The following KCNK12 variants were observed in gnomAD, a reference collection of about 807,000 sequenced individuals.
KCNK12 encodes the protein potassium two pore domain channel subfamily K member 12.
Under a neutral mutation model 25.3 loss-of-function variants are expected in KCNK12, and 6 were observed. The observed-to-expected ratio is 0.24, with a 90% CI of 0.13 to 0.47. The LOEUF (loss-of-function observed/expected upper bound fraction) is 0.47, where lower values mean the gene tolerates loss of function less well. Ranked by LOEUF, KCNK12 falls within the 20% of genes least tolerant of loss-of-function variation. The pLI, the probability that KCNK12 is intolerant of heterozygous loss-of-function variation, is 0.99. For synonymous variants in KCNK12, 331 were observed against 311.1 expected (o/e 1.06, Z -0.67); for missense variants, 444 against 661.7 (o/e 0.67, Z 3.61).
rs1669346579 is a variant in KCNK12 at position 47,547,930 on chromosome 2, G to C, written c.391+22011C>G. Among the ~76,000 whole-genome samples, 1 of 152,180 alleles carries C rather than the reference G, an allele frequency of 6.6e-6. No individual in the cohort carries two copies. Among genetic ancestry groups the C allele is most frequent in the Non-Finnish European group, 1.5e-5 (1 of 68,028 alleles). On this transcript the variant is annotated intron_variant, in intron 1 of 1. Coordinates refer to ENST00000327876, the MANE Select transcript of KCNK12 (RefSeq NM_022055.2). The surrounding 1 kb of genome is among the most constrained non-coding windows in gnomAD (Gnocchi z 5.0). Reference sequence around the variant, plus strand: ...TGTTGAATTATAATCCCCAATGTTGGAGGAGGGGCGTGGTGGGAAGTGATT... The same window carrying C: ...TGTTGAATTATAATCCCCAATGTTGCAGGAGGGGCGTGGTGGGAAGTGATT...
intron 1 of KCNK12, chr2:47,564,141 T>G (rs1269851772): frequency 1.3e-5 from 3 of 231,770 alleles, no homozygotes; most frequent in African/African-American, 6.6e-5. Context: ...CTCCTGGAAC[T>G]GAGTGCAGTC....
chr2:47,557,081 G>A lies in KCNK12; in HGVS notation c.391+12860C>T, dbSNP rs1298385358. Among the ~76,000 whole-genome samples, 1 of 152,224 alleles carries A rather than the reference G, an allele frequency of 6.6e-6. No homozygotes were observed. Among genetic ancestry groups the A allele is most frequent in the Non-Finnish European group, 1.5e-5 (1 of 68,042 alleles). ...TGAGGCAGACTTCAGTGAATGGGCA[G>A]GAGATGCATGCTGGCAACCCCAATG... On this transcript the variant is annotated intron_variant, in intron 1 of 1. Coordinates refer to ENST00000327876, the MANE Select transcript of KCNK12 (RefSeq NM_022055.2). This position sits in a 1 kb window ranked among gnomAD's most constrained non-coding sequence, Gnocchi z 4.9.
In KCNK12 at chr2:47,533,648, G is replaced by C. The variant is rs1484937230; in HGVS notation, c.392-11840C>G. ...ACTTCCTGCTTTGGCCCCTACGCTGGGTAGGAGGCCCGGCTAGAGGTTAGG... is the reference window on the plus strand; with the variant it reads ...ACTTCCTGCTTTGGCCCCTACGCTGCGTAGGAGGCCCGGCTAGAGGTTAGG... On this transcript the variant is annotated intron_variant, in intron 1 of 1. Transcript: ENST00000327876. This position sits in a 1 kb window ranked among gnomAD's most constrained non-coding sequence, Gnocchi z 4.7. Among the ~76,000 whole-genome samples the C allele has an allele frequency of 6.6e-6, 1 of 152,184 alleles. No individual in the cohort carries two copies. Among genetic ancestry groups the C allele is most frequent in the African/African-American group, 2.4e-5 (1 of 41,444 alleles).
Position 47,528,499 on chromosome 2 carries a change from T to C in KCNK12, c.392-6691A>G, listed in dbSNP as rs1411982160. ...AGAGTAGAGAAGCAGTCTCCCAAGCTCTTGCAATTTGTGGGGAGCCAAGCT... is the reference window on the plus strand; with the variant it reads ...AGAGTAGAGAAGCAGTCTCCCAAGCCCTTGCAATTTGTGGGGAGCCAAGCT... On this transcript the variant is annotated intron_variant, in intron 1 of 1. Coordinates refer to ENST00000327876, the MANE Select transcript of KCNK12 (RefSeq NM_022055.2). The surrounding 1 kb of genome is among the most constrained non-coding windows in gnomAD (Gnocchi z 4.5). The C allele has an allele frequency of 6.6e-6, 1 of 152,182 alleles. No individual in the cohort carries two copies. The highest frequency in any genetic ancestry group is 1.5e-5 in the Non-Finnish European group (1 of 68,046). The allele number at this position is 152,182 out of a possible 1,614,324, so 9.4% of individuals were successfully genotyped here. A position where few individuals can be genotyped will look rare whatever the true frequency, so the allele number is the denominator to read the frequency against.
Position 47,547,793 on chromosome 2 carries a change from TC to T in KCNK12, c.391+22147del, listed in dbSNP as rs1395690325. 6.6e-6 allele frequency among the ~76,000 whole-genome samples: 1 copy of T among 152,222 alleles called. No homozygotes were observed. Among genetic ancestry groups the T allele is most frequent in the Non-Finnish European group, 1.5e-5 (1 of 68,044 alleles). On this transcript the variant is annotated intron_variant, in intron 1 of 1. Transcript: ENST00000327876. The surrounding 1 kb of genome is among the most constrained non-coding windows in gnomAD (Gnocchi z 5.0). ...TTATATTTTTAGTAGAGAGGGGGTTTCACCGTGTTGGCCAGGCTGGTCTCGA... is the reference window on the plus strand; with the variant it reads ...TTATATTTTTAGTAGAGAGGGGGTTTACCGTGTTGGCCAGGCTGGTCTCGA...
intron 1 of KCNK12, among the ~76,000 whole-genome samples, chr2:47,568,962 G>A (rs142517330): frequency 6.6e-6 from 1 of 152,176 alleles, no homozygotes; most frequent in Non-Finnish European, 1.5e-5. Context: ...AGGGCCCAGG[G>A]AAAGTGGGGG....
rs1486935473 is a variant in KCNK12, at chr2:47,514,079, C to T, written c.*6828G>A. On this transcript the variant is annotated 3_prime_UTR_variant, in exon 2 of 2. Transcript: ENST00000327876. The surrounding 1 kb of genome is among the most constrained non-coding windows in gnomAD (Gnocchi z 5.0). The stretch of plus-strand genomic sequence containing the variant: ...CCCCCTCATTACCTCCCTTGCTCTG[C>T]ATGCTCCAGTCCTGCAGAACTACAC... Among the ~76,000 whole-genome samples the T allele has an allele frequency of 6.6e-6, 1 of 152,186 alleles. No homozygotes were observed. The highest frequency in any genetic ancestry group is 1.5e-5 in the Non-Finnish European group (1 of 68,036).
chr2:47,536,594 C>G (rs142928749), intron 1 of KCNK12, among the ~76,000 whole-genome samples: 2 of 152,332 alleles, frequency 1.3e-5, no homozygotes, highest in East Asian at 3.9e-4. Flanking sequence ...AGATTGCCCA[C>G]AGACCTCCAG....
chr2:47,541,870 C>T (rs1456401302), intron 1 of KCNK12, among the ~76,000 whole-genome samples: 1 of 152,136 alleles, frequency 6.6e-6, no homozygotes, highest in Non-Finnish European at 1.5e-5. Context: ...TGTTTAAGTC[C>T]CCCAGTCCGT....
rs1238439625 is a variant in KCNK12, at chr2:47,548,108, A to G, written c.391+21833T>C. On this transcript the variant is annotated intron_variant, in intron 1 of 1. Transcript: ENST00000327876. The surrounding 1 kb of genome is among the most constrained non-coding windows in gnomAD (Gnocchi z 4.4). ...GTCTGCTTCCTCTTTGCCTTCTGAC[A>G]TGATTGTAAGTTCCCTGAGGCCTCT... is the stretch of plus-strand genomic sequence containing the variant. Among the ~76,000 whole-genome samples the G allele has an allele frequency of 6.6e-6, 1 of 152,126 alleles. No homozygotes were observed. The highest frequency in any genetic ancestry group is 2.4e-5 in the African/African-American group (1 of 41,420).
rs1022181485 is a variant in KCNK12, at chr2:47,548,013, T to C, written c.391+21928A>G. Among the ~76,000 whole-genome samples the C allele has an allele frequency of 6.6e-6, 1 of 152,068 alleles. No individual in the cohort carries two copies. The highest frequency in any genetic ancestry group is 1.5e-5 in the Non-Finnish European group (1 of 68,012). On this transcript the variant is annotated intron_variant, in intron 1 of 1. Coordinates refer to ENST00000327876, the MANE Select transcript of KCNK12 (RefSeq NM_022055.2). This position sits in a 1 kb window ranked among gnomAD's most constrained non-coding sequence, Gnocchi z 4.4. ...CTCATGATAGTAAGTTCTCATGAGA[T>C]CTGGTTGTTTAAAAGTGTGTAGCAC...
intron 1 of KCNK12, among the ~76,000 whole-genome samples, chr2:47,549,653 G>A (rs1348881841): frequency 6.6e-6 from 1 of 151,904 alleles, no homozygotes. Flanking sequence ...AAAATATAGG[G>A]GGCTGGGTGC....
At position 47,510,341 on chromosome 2, in the gene KCNK12, G is replaced by C. The variant is rs193064160; in HGVS notation, c.*10566C>G. 1.7e-3 allele frequency: 255 copies of C among 152,294 alleles called. 2 individuals carry two copies. Among genetic ancestry groups the C allele is most frequent in the Middle Eastern group, 6.8e-3 (2 of 294 alleles). The allele number at this position is 152,294 out of a possible 1,614,324, so 9.4% of individuals were successfully genotyped here. A position where few individuals can be genotyped will look rare whatever the true frequency, so the allele number is the denominator to read the frequency against. The stretch of plus-strand genomic sequence containing the variant: ...TGGTTATGGTAATGAAATAAACCTT[G>C]ATTTTTATTCCTTAAAACTACCCTT... On this transcript the variant is annotated 3_prime_UTR_variant, in exon 2 of 2. Transcript: ENST00000327876.
chr2:47,552,426 C>T (rs1360064905), intron 1 of KCNK12, among the ~76,000 whole-genome samples: 2 of 152,150 alleles, frequency 1.3e-5, no homozygotes, highest in Non-Finnish European at 2.9e-5. Context: ...CAACTGCCTT[C>T]CCCCCATTAT....
chr2:47,528,735 A>G lies in KCNK12; in HGVS notation c.392-6927T>C, dbSNP rs925958450. On this transcript the variant is annotated intron_variant, in intron 1 of 1. Coordinates refer to ENST00000327876, the MANE Select transcript of KCNK12 (RefSeq NM_022055.2). The surrounding 1 kb of genome is among the most constrained non-coding windows in gnomAD (Gnocchi z 4.5). ...GGGGCTTTATTATGCCACTTTGACA[A>G]AAGCTGTGAAGCTCGTTCCCACAGC... 1.3e-5 allele frequency among the ~76,000 whole-genome samples: 2 copies of G among 152,226 alleles called. No individual in the cohort carries two copies. The highest frequency in any genetic ancestry group is 4.8e-5 in the African/African-American group (2 of 41,468).
At position 47,570,699 on chromosome 2, in the gene KCNK12, A is replaced by G. The variant is rs1669891894; in HGVS notation, c.-368T>C. The stretch of plus-strand genomic sequence containing the variant: ...GCGTCCGCGGGGCCCCGGGCCTCAT[A>G]CTCCTCTCCAGACAGGCCGCGGGCT... On this transcript the variant is annotated 5_prime_UTR_variant, in exon 1 of 2. Transcript: ENST00000327876. The G allele has an allele frequency of 6.5e-6, 1 of 153,772 alleles. No individual in the cohort carries two copies. The highest frequency in any genetic ancestry group is 1.4e-5 in the Non-Finnish European group (1 of 69,760). The allele number at this position is 153,772 out of a possible 1,614,324, so 9.5% of individuals were successfully genotyped here.
chr2:47,570,103 G>T lies in KCNK12; in HGVS notation c.229C>A (p.Arg77Ser). The T allele has an allele frequency of 2.8e-6, 4 of 1,404,212 alleles. No individual in the cohort carries two copies. In the South Asian group the frequency reaches 6.0e-5, roughly 21 times the overall value. 87.0% of individuals were successfully genotyped at this position (1,404,212 alleles called of 1,614,324 possible). Residue 77 changes from arginine to serine, a missense_variant, in exon 1 of 2, where the codon CGC becomes AGC. This residue lies in a region of KCNK12 where 106 missense variants were observed against 142.2 expected (regional missense o/e 0.75). Transcript: ENST00000327876. ...EARARWGATL[R>S]NFSAAHGVAE... ...ACGCCGTGCGCAGCGCTGAAGTTGC[G>T]CAGCGTGGCGCCCCAGCGCGCCCGC... is the stretch of plus-strand genomic sequence containing the variant.
rs924004241 is a variant in KCNK12, at chr2:47,511,867, T to C, written c.*9040A>G. 6.6e-6 allele frequency among the ~76,000 whole-genome samples: 1 copy of C among 152,364 alleles called. No homozygotes were observed. Among genetic ancestry groups the C allele is most frequent in the East Asian group, 1.9e-4 (1 of 5,196 alleles). On this transcript the variant is annotated 3_prime_UTR_variant, in exon 2 of 2. Transcript: ENST00000327876. The surrounding 1 kb of genome is among the most constrained non-coding windows in gnomAD (Gnocchi z 4.3). ...GGTAGCCACAAGTTACATGTGGCTA[T>C]TGAACACTTGAAATGGGGTTAGTGC...
chr2:47,556,757 TG>T lies in KCNK12; in HGVS notation c.391+13183del, dbSNP rs1669558459. 6.6e-6 allele frequency among the ~76,000 whole-genome samples: 1 copy of T among 151,400 alleles called. No individual in the cohort carries two copies. Among genetic ancestry groups the T allele is most frequent in the Non-Finnish European group, 1.5e-5 (1 of 67,828 alleles). On this transcript the variant is annotated intron_variant, in intron 1 of 1. Transcript: ENST00000327876. The surrounding 1 kb of genome is among the most constrained non-coding windows in gnomAD (Gnocchi z 4.8). ...AAAGAAGATGGTGGAAAAATAAGAG[TG>T]GGAGTGTAAAGGACCTGTAGGTCTT...
Sources: gnomAD v4.1 joint callset for allele counts (sites outside exome capture counted in the v4.1 genomes callset) on GRCh38, gnomAD v4.1.1 for gene constraint, gnomAD v4.1.1 regional missense constraint, Gnocchi (gnomAD v3.1) non-coding constraint, MANE v1.5 for transcripts, NCBI Gene and HGNC (gene_info 2026-07-23, HGNC 2026-07-21) for gene names.